TACR3: variants seen among roughly 807,000 people sequenced by gnomAD.
TACR3 encodes tachykinin receptor 3.
A neutral mutation model predicts 35.0 loss-of-function variants in TACR3; 34 were observed. The ratio of observed to expected loss-of-function variants is 0.97; its 90% CI spans 0.74 to 1.30. The LOEUF is 1.30. Ranked by LOEUF, TACR3 falls within the 50% of genes most tolerant of loss-of-function variation. The pLI, the probability that TACR3 is intolerant of heterozygous loss-of-function variation, is 0.00. For synonymous variants in TACR3, 233 were observed against 221.1 expected (o/e 1.05, Z -0.48); for missense variants, 558 against 591.7 (o/e 0.94, Z 0.59).
intron 3 of TACR3, among the ~76,000 whole-genome samples, chr4:103,654,672 T>G (rs1255178768): frequency 3.3e-5 from 5 of 150,772 alleles, no homozygotes. Context: ...ATTGTGCACA[T>G]GTACCCTAAA....
chr4:103,600,219 C>G (rs1724161742), intron 3 of TACR3, among the ~76,000 whole-genome samples: 1 of 152,164 alleles, frequency 6.6e-6, no homozygotes, highest in South Asian at 2.1e-4. Flanking sequence ...TCCATTTCTT[C>G]TAGATTTTCT....
intron 3 of TACR3, among the ~76,000 whole-genome samples, chr4:103,623,270 C>T (rs1474990649): frequency 2.0e-5 from 3 of 152,016 alleles, no homozygotes; most frequent in Non-Finnish European, 4.4e-5. Context: ...CTATTGTAAT[C>T]TGGTACTTTA....
At chr4:103,619,687 T>C (rs929720153) in intron 3 of TACR3, among the ~76,000 whole-genome samples, 1 of 152,164 alleles carries the variant, frequency 6.6e-6, no homozygotes, top group Non-Finnish European at 1.5e-5. Flanking sequence ...TTTTGAGGTG[T>C]ATTCCTTTGA....
rs528998616 is a variant in TACR3, at chr4:103,613,239, A to T, written c.889-21556T>A. Among the ~76,000 whole-genome samples, 3 of 152,350 alleles carry T rather than the reference A, an allele frequency of 2.0e-5. No homozygotes were observed. The South Asian group carries it at 6.2e-4, about 32-fold the overall frequency. ...AAGAAGGACTAAGAGCCAGGTGATA[A>T]GAATTCTAGTCCCAACCTTGCTAGT... On this transcript the variant is annotated intron_variant, in intron 3 of 4. Transcript: ENST00000304883.
intron 1 of TACR3, among the ~76,000 whole-genome samples, chr4:103,713,676 G>A (rs766828511): frequency 6.6e-6 from 1 of 151,840 alleles, no homozygotes; most frequent in Non-Finnish European, 1.5e-5. Context: ...GAAAAAAATA[G>A]GAGCTCTTCA....
At chr4:103,700,143 A>C (rs1208299830) in intron 1 of TACR3, among the ~76,000 whole-genome samples, 3 of 152,142 alleles carry the variant, frequency 2.0e-5, no homozygotes, top group Admixed American at 2.0e-4. Flanking sequence ...CAAAAAACAC[A>C]ACTCCTGATT....
chr4:103,684,168 T>C (rs1159795033), intron 1 of TACR3, among the ~76,000 whole-genome samples: 4 of 152,042 alleles, frequency 2.6e-5, no homozygotes, highest in Non-Finnish European at 5.9e-5. Flanking sequence ...ATCAAAACAA[T>C]CAAGGATGTC....
intron 2 of TACR3, among the ~76,000 whole-genome samples, chr4:103,656,604 G>A (rs1200796349): frequency 1.3e-5 from 2 of 152,006 alleles, no homozygotes; most frequent in Non-Finnish European, 2.9e-5. Flanking sequence ...TTAAACATAA[G>A]TTCTCCTTGC....
At chr4:103,634,043 G>A (rs1045796579) in intron 3 of TACR3, among the ~76,000 whole-genome samples, 1 of 152,062 alleles carries the variant, frequency 6.6e-6, no homozygotes, top group African/African-American at 2.4e-5. Context: ...ATAAATACAA[G>A]CTGGTTATAC....
Position 103,589,369 on chromosome 4 carries a change from A to T in TACR3, c.*313T>A, listed in dbSNP as rs1393366629. On this transcript the variant is annotated 3_prime_UTR_variant, in exon 5 of 5. Transcript: ENST00000304883. ...TATATCATTTTAATGTCACAAATGT[A>T]TATTGCAATTTGTAAATGAGATAGA... is the stretch of plus-strand genomic sequence containing the variant. 2 of 292,850 alleles carry T rather than the reference A, an allele frequency of 6.8e-6. No individual in the cohort carries two copies. The highest frequency in any genetic ancestry group is 4.3e-5 in the African/African-American group (2 of 46,852). 18.1% of individuals were successfully genotyped at this position (292,850 alleles called of 1,614,324 possible).
At chr4:103,634,343 G>A (rs768579783) in intron 3 of TACR3, among the ~76,000 whole-genome samples, 3 of 151,954 alleles carry the variant, frequency 2.0e-5, no homozygotes, top group East Asian at 1.9e-4. Context: ...TTCTCTTCTC[G>A]TCTGACTTGG....
chr4:103,672,773 T>C (rs927969172), intron 1 of TACR3, among the ~76,000 whole-genome samples: 2 of 152,208 alleles, frequency 1.3e-5, no homozygotes, highest in Non-Finnish European at 1.5e-5. Flanking sequence ...AAGTCAGGCA[T>C]TGACTTCTCC....
intron 1 of TACR3, among the ~76,000 whole-genome samples, chr4:103,673,885 A>T (rs1726104632): frequency 6.6e-6 from 1 of 152,230 alleles, no homozygotes; most frequent in Non-Finnish European, 1.5e-5. Flanking sequence ...AATTAGCTAT[A>T]CATGATACTC....
chr4:103,687,132 C>T (rs1374384101), intron 1 of TACR3, among the ~76,000 whole-genome samples: 1 of 151,872 alleles, frequency 6.6e-6, no homozygotes, highest in African/African-American at 2.4e-5. Context: ...ATAAACAGAA[C>T]CAAAGACAAA....
intron 3 of TACR3, among the ~76,000 whole-genome samples, chr4:103,614,884 G>GTTTGTTTTTTTTT (rs1724601485): frequency 4.2e-5 from 3 of 72,060 alleles, no homozygotes; most frequent in African/African-American, 1.8e-4. Flanking sequence ...TTATGAATGT[G>GTTTGTTTTTTTTT]TTTTTTTTTT....
intron 1 of TACR3, among the ~76,000 whole-genome samples, chr4:103,679,784 A>G (rs1161103552): frequency 6.6e-6 from 1 of 151,962 alleles, no homozygotes; most frequent in Non-Finnish European, 1.5e-5. Context: ...AAGTAGAATG[A>G]TGGTTTGTAA....
intron 1 of TACR3, among the ~76,000 whole-genome samples, chr4:103,667,694 G>A (rs964172595): frequency 2.6e-5 from 4 of 152,104 alleles, no homozygotes; most frequent in African/African-American, 9.6e-5. Flanking sequence ...ATGAATGTAA[G>A]AAATCTGCAC....
Position 103,719,478 on chromosome 4 carries a change from C to G in TACR3, c.198G>C (p.Ala66=), listed in dbSNP as rs1723161905. The change falls in exon 1 of 5, where the codon GCG becomes GCC. Residue 66 remains alanine, a synonymous_variant. Transcript: ENST00000304883. ...TGAGGTTGGCCCAGGGCTGGGAGGGCGCGGGGGAAGCCACAGGCAGTCCCA... is the reference window on the plus strand; with the variant it reads ...TGAGGTTGGCCCAGGGCTGGGAGGGGGCGGGGGAAGCCACAGGCAGTCCCA... ...SALGLPVASP[A]PSQPWANLTN... The G allele has an allele frequency of 6.2e-7, 1 of 1,613,322 alleles. No homozygotes were observed. The highest frequency in any genetic ancestry group is 8.5e-7 in the Non-Finnish European group (1 of 1,179,318).
At chr4:103,660,463 T>C (rs1175173233) in intron 1 of TACR3, among the ~76,000 whole-genome samples, 4 of 151,986 alleles carry the variant, frequency 2.6e-5, no homozygotes, top group Admixed American at 6.6e-5. Flanking sequence ...ATAGTACCTA[T>C]AGTTAGCAAT....
Sources: allele counts gnomAD v4.1 joint callset (sites outside exome capture counted in the v4.1 genomes callset), GRCh38; gene constraint gnomAD v4.1.1; transcripts MANE v1.5; gene names NCBI Gene and HGNC (gene_info 2026-07-23, HGNC 2026-07-21).